CIAO3: variants seen among roughly 807,000 people sequenced by gnomAD.
CIAO3 encodes LET1 like/JFP15.
In CIAO3, 45 loss-of-function variants were observed where a neutral mutation model predicts 51.5. The observed-to-expected ratio is 0.87, with a 90% CI of 0.69 to 1.12. CIAO3 has a LOEUF of 1.12. Ranked by LOEUF, CIAO3 falls within the 50% of genes most tolerant of loss-of-function variation. The pLI is 0.00. For missense variants in CIAO3, 668 were observed against 632.5 expected, an observed-to-expected ratio of 1.06 and a Z score of -0.60; for synonymous variants, 314 against 269.3, an observed-to-expected ratio of 1.17 and a Z score of -1.63.
At chr16:740,675 A>C in intron 1 of CIAO3, 3 of 531,582 alleles carry the variant, frequency 5.6e-6, no homozygotes, top group East Asian at 3.5e-5. Context: ...CCGCCCGGAC[A>C]CCATGGGGCA....
chr16:737,360 GC>G lies in CIAO3; in HGVS notation c.163-32del. The G allele has an allele frequency of 1.2e-6, 2 of 1,611,258 alleles. No individual in the cohort carries two copies. The highest frequency in any genetic ancestry group is 2.2e-5 in the South Asian group (2 of 91,026). The stretch of plus-strand genomic sequence containing the variant: ...AGGGAGAAGAACCCGGTGCACAGGG[GC>G]CCCCTCTGCACGAGGACATGGAGAC... On this transcript the variant is annotated intron_variant, in intron 2 of 10. Coordinates refer to ENST00000251588, the MANE Select transcript of CIAO3 (RefSeq NM_022493.3). The surrounding 1 kb of genome is among the most constrained non-coding windows in gnomAD (Gnocchi z 5.3).
rs1164951438 is a variant in CIAO3, at chr16:731,765, G to C, written c.897-63C>G. 5 of 1,472,466 alleles carry C rather than the reference G, an allele frequency of 3.4e-6. No homozygotes were observed. In the East Asian group the frequency reaches 1.3e-4, roughly 37 times the overall value. The allele number at this position is 1,472,466 out of a possible 1,614,324, so 91.2% of individuals were successfully genotyped here. ...GCTGCCTGCCAACCTCCCGAGCAGG[G>C]CCTCTGTCCCTCACACATGAGCGTT... On this transcript the variant is annotated intron_variant, in intron 8 of 10. Coordinates refer to ENST00000251588, the MANE Select transcript of CIAO3 (RefSeq NM_022493.3).
At chr16:740,186 A>C in intron 1 of CIAO3, 6 of 1,132,342 alleles carry the variant, frequency 5.3e-6, no homozygotes, top group Non-Finnish European at 7.1e-6. Context: ...GGCAGCCCAG[A>C]AAGCCGCCTC....
rs139893800 is a variant in CIAO3, at chr16:734,846, G to A, written c.465C>T (p.Ala155=). The change falls in exon 5 of 11, where the codon GCC becomes GCT. Residue 155 remains alanine, a synonymous_variant. Coordinates refer to ENST00000251588, the MANE Select transcript of CIAO3 (RefSeq NM_022493.3). ...CCAGGAGGCTGAAGTGCCTTGAGAA[G>A]GCGGTGTCGAAGACGAAGTGCACCC... ...KIGVHFVFDT[A]FSRHFSLLES... is the part of the protein sequence containing the mutation. 6.3e-7 allele frequency: 1 copy of A among 1,576,456 alleles called. No homozygotes were observed. The highest frequency in any genetic ancestry group is 1.7e-5 in the Admixed American group (1 of 57,430).
chr16:734,047 C>A (rs955998021), intron 6 of CIAO3, 182 bp downstream of exon 6: 1 of 610,312 alleles, frequency 1.6e-6, no homozygotes, highest in Non-Finnish European at 2.9e-6. Context: ...TGGATCAGAA[C>A]GAAGCCCTCT....
At chr16:738,141 G>A in intron 2 of CIAO3, 3 of 1,009,488 alleles carry the variant, frequency 3.0e-6, no homozygotes, top group Non-Finnish European at 3.6e-6. Context: ...ACAGGGTGCT[G>A]GGCAGAGGCT....
At position 733,288 on chromosome 16, in the gene CIAO3, G is replaced by A. The variant is rs773251858; in HGVS notation, c.823+10C>T. On this transcript the variant is annotated intron_variant, in intron 7 of 10. Coordinates refer to ENST00000251588, the MANE Select transcript of CIAO3 (RefSeq NM_022493.3). The stretch of plus-strand genomic sequence containing the variant: ...GCTTGAGGGCTCAGGGCCGCACGGC[G>A]TGACCGCACCTGTTGTGAGGACACA... The A allele has an allele frequency of 8.7e-6, 14 of 1,612,802 alleles. No individual in the cohort carries two copies. The highest frequency in any genetic ancestry group is 8.0e-5 in the African/African-American group (6 of 74,940).
chr16:731,282 C>A, intron 9 of CIAO3: 1 of 605,762 alleles, frequency 1.7e-6, no homozygotes, highest in Admixed American at 3.2e-5. Context: ...GGGATGTGGT[C>A]GCGTGCCTGC....
At chr16:733,941 G>C (rs2041311474) in intron 6 of CIAO3, 1 of 441,182 alleles carries the variant, frequency 2.3e-6, no homozygotes. Flanking sequence ...CGTGGACCTG[G>C]TGGCCGGAGG....
At position 739,297 on chromosome 16, in the gene CIAO3, TCAAACAAACAAA is replaced by T. The variant is rs71890589; in HGVS notation, c.162+334_162+345del. ...CTGGGCCATCGAGGGAGACTCTGTA[TCAAACAAACAAA>T]CAAACAAACAAACAAAAGAACGAGG... On this transcript the variant is annotated intron_variant, in intron 2 of 10. Coordinates refer to ENST00000251588, the MANE Select transcript of CIAO3 (RefSeq NM_022493.3). The T allele has an allele frequency of 2.6e-4, 77 of 291,268 alleles. 1 individual carries two copies. The highest frequency in any genetic ancestry group is 2.6e-3 in the East Asian group (26 of 9,924). The allele number at this position is 291,268 out of a possible 1,614,324, so 18.0% of individuals were successfully genotyped here.
chr16:739,469 C>T, intron 2 of CIAO3, 174 bp downstream of exon 2: 2 of 656,362 alleles, frequency 3.0e-6, no homozygotes, highest in South Asian at 3.5e-5. Context: ...CATTCACCTG[C>T]CCCAGGCACC....
In CIAO3 at chr16:730,645, G is replaced by A. The variant is rs767440685; in HGVS notation, c.1203C>T (p.Asn401=). ...CTGGGGCCTGGAGCTGGCCCCCGCC[G>A]TTCAGGCAGCCTATGGGAGAGCAGA... ...EVMACPSGCL[N]GGGQLQAPDR... is the part of the protein sequence containing the mutation. The change falls in exon 11 of 11, where the codon AAC becomes AAT. Residue 401 remains asparagine (N), a synonymous_variant. Transcript: ENST00000251588. The A allele has an allele frequency of 1.2e-5, 19 of 1,608,988 alleles. No homozygotes were observed. Among genetic ancestry groups the A allele is most frequent in the South Asian group, 4.4e-5 (4 of 91,066 alleles).
In CIAO3 at chr16:733,269, G is replaced by A. The variant is rs148882492; in HGVS notation, c.823+29C>T. The A allele has an allele frequency of 5.0e-6, 8 of 1,610,670 alleles. No individual in the cohort carries two copies. In the Admixed American group the frequency reaches 5.0e-5, roughly 10 times the overall value. On this transcript the variant is annotated intron_variant, in intron 7 of 10. Coordinates refer to ENST00000251588, the MANE Select transcript of CIAO3 (RefSeq NM_022493.3). ...TCAGGAATCAGACCAGGAGGCTTGA[G>A]GGCTCAGGGCCGCACGGCGTGACCG...
chr16:738,077 C>A, intron 2 of CIAO3: 1 of 1,041,826 alleles, frequency 9.6e-7, no homozygotes, highest in Non-Finnish European at 1.2e-6. Context: ...ACAATCTGAG[C>A]TCGCCTTGTA....
intron 8 of CIAO3, 169 bp downstream of exon 8, chr16:732,132 C>T (rs12443759): frequency 0.26 from 185,464 of 703,550 alleles, 34,412 homozygotes; most frequent in East Asian, 0.79. Context: ...CCCACCTTGG[C>T]CTCCCAAAGT....
rs752289658 is a variant in CIAO3, at chr16:730,496, G to A, written c.1352C>T (p.Ser451Leu). Residue 451 changes from serine (S) to leucine (L), a missense_variant, in exon 11 of 11, where the codon TCG becomes TTG. Coordinates refer to ENST00000251588, the MANE Select transcript of CIAO3 (RefSeq NM_022493.3). ...LYTHWLQGTD[S>L]ECAGRLLHTQ... ...ATGCAGCAAGCGACCTGCACACTCC[G>A]AGTCCGTGCCCTGCAGCCAGTGTGT... 1.4e-5 allele frequency: 22 copies of A among 1,609,758 alleles called. No individual in the cohort carries two copies. Among genetic ancestry groups the A allele is most frequent in the Non-Finnish European group, 1.7e-5 (20 of 1,179,982 alleles).
At chr16:738,191 C>T (rs2151604091) in intron 2 of CIAO3, 1 of 996,668 alleles carries the variant, frequency 1.0e-6, no homozygotes, top group Non-Finnish European at 1.2e-6. Flanking sequence ...CACCGACAGC[C>T]ACGCCTACCA....
intron 2 of CIAO3, among the ~76,000 whole-genome samples, chr16:739,113 C>A (rs1243776604): frequency 6.6e-6 from 1 of 151,222 alleles, no homozygotes; most frequent in Admixed American, 6.6e-5. Flanking sequence ...CTGGCTAACA[C>A]GGTGAAACCC....
In CIAO3 at chr16:730,869, T is replaced by TAGTG; in HGVS notation, c.1162_1165dup (p.Tyr389SerfsTer43). The TAGTG allele has an allele frequency of 6.2e-7, 1 of 1,612,848 alleles. No homozygotes were observed. The highest frequency in any genetic ancestry group is 8.5e-7 in the Non-Finnish European group (1 of 1,179,968). Reference sequence around the variant, plus strand: ...TGAGGGGCAGGCCATGACCTCCACGTAGTGGTAGGGGCAGCGCCCTCGTTT... The same window carrying TAGTG: ...TGAGGGGCAGGCCATGACCTCCACGTAGTGAGTGGTAGGGGCAGCGCCCTCGTTT... On this transcript the variant is annotated frameshift_variant, in exon 10 of 11. Coordinates refer to ENST00000251588, the MANE Select transcript of CIAO3 (RefSeq NM_022493.3). LOFTEE classifies it low-confidence loss of function (END_TRUNC).
Sources: allele counts gnomAD v4.1 joint callset (sites outside exome capture counted in the v4.1 genomes callset), GRCh38; gene constraint gnomAD v4.1.1; non-coding constraint Gnocchi (gnomAD v3.1); transcripts MANE v1.5; gene names NCBI Gene and HGNC (gene_info 2026-07-23, HGNC 2026-07-21).